EVA1C: variants seen among roughly 807,000 people sequenced by gnomAD.
EVA1C encodes the protein protein eva-1 homolog C.
A neutral mutation model predicts 45.4 loss-of-function variants in EVA1C; 25 were observed. The observed-to-expected ratio is 0.55, with a 90% CI of 0.40 to 0.77. The LOEUF (loss-of-function observed/expected upper bound fraction) is 0.77. Among genes scored for constraint, EVA1C ranks in the 30% least tolerant of loss-of-function variants. The pLI is 0.00. For synonymous variants in EVA1C, 190 were observed against 221.2 expected (o/e 0.86, Z 1.25); for missense variants, 479 against 554.8 (o/e 0.86, Z 1.37).
intron 1 of EVA1C, among the ~76,000 whole-genome samples, chr21:32,448,347 G>A (rs1034438933): frequency 1.3e-5 from 2 of 152,126 alleles, no homozygotes; most frequent in African/African-American, 4.8e-5. Context: ...GTGTAGGTCA[G>A]ATAACTACAG....
At chr21:32,483,962 ATGTGTGTGTGTG>A (rs55688415) in intron 4 of EVA1C, among the ~76,000 whole-genome samples, 2,419 of 147,330 alleles carry the variant, frequency 0.016, 72 homozygotes, top group African/African-American at 0.055. Flanking sequence ...CTCACTGTTT[ATGTGTGTGTGTG>A]TGTGTGTGTG....
chr21:32,467,906 A>ATG lies in EVA1C; in HGVS notation c.634+59_634+60insGT, dbSNP rs2036234717. On this transcript the variant is annotated intron_variant, in intron 4 of 7. Coordinates refer to ENST00000300255, the MANE Select transcript of EVA1C (RefSeq NM_058187.5). ...TCTCTAGAGGGACAGAATTAATAGA[A>ATG]TATATATATATATATCCTATATATA... 1.2e-4 allele frequency: 72 copies of ATG among 601,606 alleles called. 1 individual carries two copies. In the South Asian group the frequency reaches 2.8e-3, roughly 23 times the overall value. 37.3% of individuals were successfully genotyped at this position (601,606 alleles called of 1,614,324 possible).
rs552711639 is a variant in EVA1C, at chr21:32,470,106, C to T, written c.634+2258C>T. On this transcript the variant is annotated intron_variant, in intron 4 of 7. Transcript: ENST00000300255. ...TATTGATCAAAATCTAAAATGAGCT[C>T]CTTAATATGTTAAATTGCTACAATG... is the stretch of plus-strand genomic sequence containing the variant. Among the ~76,000 whole-genome samples the T allele has an allele frequency of 6.6e-5, 10 of 152,144 alleles. No homozygotes were observed. The South Asian group carries it at 1.7e-3, about 25-fold the overall frequency.
chr21:32,500,611 C>T (rs1317119642), intron 5 of EVA1C, among the ~76,000 whole-genome samples: 1 of 152,114 alleles, frequency 6.6e-6, no homozygotes, highest in Non-Finnish European at 1.5e-5. Flanking sequence ...GCCCATTTGC[C>T]GTCACTGCCC....
intron 3 of EVA1C, among the ~76,000 whole-genome samples, chr21:32,462,437 T>C (rs1476784118): frequency 6.6e-6 from 1 of 152,208 alleles, no homozygotes; most frequent in Non-Finnish European, 1.5e-5. Flanking sequence ...ACTATCTACA[T>C]TTCAGCATCA....
At position 32,412,964 on chromosome 21, in the gene EVA1C, C is replaced by G; in HGVS notation, c.111C>G (p.Cys37Trp). ...PPGQLLRLFY[C>W]TVLVCSKEIS... The stretch of plus-strand genomic sequence containing the variant: ...GGCAGCTCCTGCGCCTCTTCTACTG[C>G]ACTGTCCTGGTCTGCTCCAAAGAGA... The change falls in exon 1 of 8, where the codon TGC becomes TGG. Residue 37 changes from cysteine to tryptophan, a missense_variant. Coordinates refer to ENST00000300255, the MANE Select transcript of EVA1C (RefSeq NM_058187.5). The G allele has an allele frequency of 6.4e-7, 1 of 1,561,736 alleles. No homozygotes were observed.
At position 32,515,383 on chromosome 21, in the gene EVA1C, G is replaced by T; in HGVS notation, c.*193G>T. ...CATTCCAAAATAAATGAGGAGGGAA[G>T]AGTCTTTGTTTTCTGTATTTCTTTG... is the stretch of plus-strand genomic sequence containing the variant. On this transcript the variant is annotated 3_prime_UTR_variant, in exon 8 of 8. Coordinates refer to ENST00000300255, the MANE Select transcript of EVA1C (RefSeq NM_058187.5). 2.1e-6 allele frequency: 1 copy of T among 469,148 alleles called. No homozygotes were observed. The highest frequency in any genetic ancestry group is 3.7e-6 in the Non-Finnish European group (1 of 272,512). The allele number at this position is 469,148 out of a possible 1,614,324, so 29.1% of individuals were successfully genotyped here.
intron 1 of EVA1C, among the ~76,000 whole-genome samples, chr21:32,443,552 T>C (rs1181915014): frequency 6.6e-6 from 1 of 151,308 alleles, no homozygotes; most frequent in Non-Finnish European, 1.5e-5. Flanking sequence ...AACAAACAAA[T>C]AAAAAAACCC....
chr21:32,443,001 G>A (rs2035234693), intron 1 of EVA1C, among the ~76,000 whole-genome samples: 1 of 140,560 alleles, frequency 7.1e-6, no homozygotes, highest in South Asian at 2.4e-4. Context: ...AGGGAGGGAA[G>A]GAGGGAGGGA....
At chr21:32,433,594 C>T (rs2146170882) in intron 1 of EVA1C, among the ~76,000 whole-genome samples, 1 of 152,334 alleles carries the variant, frequency 6.6e-6, no homozygotes, top group East Asian at 1.9e-4. Context: ...TTTAGGTTCC[C>T]CACCCTCAGG....
intron 1 of EVA1C, among the ~76,000 whole-genome samples, chr21:32,425,321 TA>T (rs111294589): frequency 0.39 from 47,977 of 123,374 alleles, 9,434 homozygotes; most frequent in African/African-American, 0.53. Flanking sequence ...GGAGACAGAG[TA>T]AGACTCCATC....
intron 4 of EVA1C, among the ~76,000 whole-genome samples, chr21:32,485,415 C>T (rs748340328): frequency 2.0e-5 from 3 of 152,202 alleles, no homozygotes; most frequent in Middle Eastern, 6.8e-3. Flanking sequence ...GTGATCCACC[C>T]GCCTTCCAAA....
At chr21:32,495,305 T>C in intron 5 of EVA1C, 135 bp downstream of exon 5, 9 of 772,960 alleles carry the variant, frequency 1.2e-5, no homozygotes, top group Non-Finnish European at 1.8e-5. Context: ...TCATCCCAGA[T>C]ACCCGAGAGC....
chr21:32,456,681 TG>T (rs1047757198), intron 2 of EVA1C, among the ~76,000 whole-genome samples: 2 of 152,186 alleles, frequency 1.3e-5, no homozygotes, highest in African/African-American at 4.8e-5. Flanking sequence ...AGCAGATTCT[TG>T]GGAACTTTTT....
chr21:32,460,376 T>A (rs756950114), intron 3 of EVA1C, among the ~76,000 whole-genome samples: 5 of 152,210 alleles, frequency 3.3e-5, no homozygotes, highest in Non-Finnish European at 7.3e-5. Flanking sequence ...CACCCCTCTC[T>A]ATCACAGCAT....
chr21:32,473,003 C>T (rs2036431696), intron 4 of EVA1C, among the ~76,000 whole-genome samples: 1 of 152,224 alleles, frequency 6.6e-6, no homozygotes, highest in Admixed American at 6.5e-5. Context: ...CTCTGCAGCA[C>T]AAAGAAGCTC....
chr21:32,426,548 A>G (rs7275247), intron 1 of EVA1C, among the ~76,000 whole-genome samples: 27,666 of 151,882 alleles, frequency 0.18, 3,347 homozygotes, highest in African/African-American at 0.33. Flanking sequence ...ATGCACTCAC[A>G]TACAGACAGC....
At chr21:32,514,569 T>C (rs1172870266) in intron 7 of EVA1C, among the ~76,000 whole-genome samples, 1 of 152,214 alleles carries the variant, frequency 6.6e-6, no homozygotes, top group Non-Finnish European at 1.5e-5. Context: ...GTCTGGCTCC[T>C]GAGCCCCTCT....
At chr21:32,482,772 C>T (rs575617614) in intron 4 of EVA1C, among the ~76,000 whole-genome samples, 10 of 152,132 alleles carry the variant, frequency 6.6e-5, no homozygotes, top group South Asian at 4.2e-4. Flanking sequence ...GCCCTGTTCA[C>T]GGAACTTCAC....
Sources: gnomAD v4.1 joint callset for allele counts (sites outside exome capture counted in the v4.1 genomes callset) on GRCh38, gnomAD v4.1.1 for gene constraint, MANE v1.5 for transcripts, NCBI Gene and HGNC (gene_info 2026-07-23, HGNC 2026-07-21) for gene names.